NALF1: variants seen among roughly 807,000 people sequenced by gnomAD.
The protein encoded by NALF1 is family with sequence similarity 155 member A.
In NALF1, 3 loss-of-function variants were observed where a neutral mutation model predicts 48.4. That is an observed-to-expected ratio of 0.06 (90% confidence interval 0.03 to 0.16). NALF1 has a LOEUF of 0.16. NALF1 is among the 10% of genes least tolerant of loss of function. NALF1 has a pLI of 1.00. For synonymous variants in NALF1, 262 were observed against 245.7 expected (o/e 1.07, Z -0.62); for missense variants, 526 against 571.5 (o/e 0.92, Z 0.81).
chr13:107,458,525 T>C (rs939279420), intron 1 of NALF1, among the ~76,000 whole-genome samples: 5 of 152,162 alleles, frequency 3.3e-5, no homozygotes, highest in Non-Finnish European at 7.4e-5. Flanking sequence ...AGTGCACGCC[T>C]GGGCAAAGCC....
rs528906652 is a variant in NALF1 at position 107,758,981 on chromosome 13, C to T, written c.915+106701G>A. Among the ~76,000 whole-genome samples, 9 of 152,120 alleles carry T rather than the reference C, an allele frequency of 5.9e-5. No individual in the cohort carries two copies. The South Asian group carries it at 1.9e-3, about 32-fold the overall frequency. ...CTAAGCTGAAAGAGTGTGAGGATAA[C>T]TCTACAACCAATTCCAGTTGCCTGG... On this transcript the variant is annotated intron_variant, in intron 1 of 2. Coordinates refer to ENST00000375915, the MANE Select transcript of NALF1 (RefSeq NM_001080396.3).
At chr13:107,312,782 G>C (rs1010571316) in intron 1 of NALF1, among the ~76,000 whole-genome samples, 3 of 152,278 alleles carry the variant, frequency 2.0e-5, no homozygotes, top group Admixed American at 6.5e-5. Context: ...CTTAACTCAA[G>C]TTAATGGCCA....
intron 1 of NALF1, among the ~76,000 whole-genome samples, chr13:107,652,673 A>G (rs938631912): frequency 6.6e-6 from 1 of 152,160 alleles, no homozygotes; most frequent in Non-Finnish European, 1.5e-5. Context: ...TCGTCAGCTC[A>G]GAACTCCCAA....
At chr13:107,836,236 C>T (rs562987170) in intron 1 of NALF1, among the ~76,000 whole-genome samples, 3 of 152,220 alleles carry the variant, frequency 2.0e-5, no homozygotes, top group East Asian at 1.9e-4. Flanking sequence ...AGCAATCTGC[C>T]CCCCTTGGCA....
intron 1 of NALF1, among the ~76,000 whole-genome samples, chr13:107,714,786 A>C (rs1004668231): frequency 1.3e-5 from 2 of 152,096 alleles, no homozygotes; most frequent in African/African-American, 4.8e-5. Context: ...AATTCTAAAA[A>C]ATTAGGTGCC....
intron 1 of NALF1, among the ~76,000 whole-genome samples, chr13:107,623,166 CA>C (rs760568307): frequency 3.5e-4 from 54 of 152,230 alleles, no homozygotes; most frequent in Non-Finnish European, 7.4e-4. Context: ...GACACATACA[CA>C]TAGTCAACTC....
rs1878744236 is a variant in NALF1 at position 107,169,451 on chromosome 13, A to C, written c.*1046T>G. ...TGTTCCCTGTAATTACAATGGCCAA[A>C]ATGTGCTCCTATATTACTGCAACAG... On this transcript the variant is annotated 3_prime_UTR_variant, in exon 3 of 3. Transcript: ENST00000375915. 2 of 152,026 alleles carry C rather than the reference A, an allele frequency of 1.3e-5. No homozygotes were observed. The highest frequency in any genetic ancestry group is 2.9e-5 in the Non-Finnish European group (2 of 68,030). 9.4% of individuals were successfully genotyped at this position (152,026 alleles called of 1,614,324 possible).
chr13:107,405,200 C>T (rs898957723), intron 1 of NALF1, among the ~76,000 whole-genome samples: 2 of 152,022 alleles, frequency 1.3e-5, no homozygotes, highest in African/African-American at 2.4e-5. Context: ...TGAGCTCTCA[C>T]AGCATCTTAT....
intron 1 of NALF1, among the ~76,000 whole-genome samples, chr13:107,240,350 C>T (rs1566461191): frequency 6.6e-6 from 1 of 152,112 alleles, no homozygotes; most frequent in Non-Finnish European, 1.5e-5. Context: ...TATAAGCAAC[C>T]CAGTTTCTGG....
At chr13:107,375,131 T>G (rs1883315203) in intron 1 of NALF1, among the ~76,000 whole-genome samples, 1 of 152,174 alleles carries the variant, frequency 6.6e-6, no homozygotes, top group Non-Finnish European at 1.5e-5. Context: ...TATAACACAT[T>G]TAAAATTTTA....
At chr13:107,770,942 A>G (rs1877559780) in intron 1 of NALF1, among the ~76,000 whole-genome samples, 1 of 152,058 alleles carries the variant, frequency 6.6e-6, no homozygotes, top group Non-Finnish European at 1.5e-5. Flanking sequence ...CCTTTAGCAG[A>G]CCTTGTGAGT....
At chr13:107,630,868 GCTA>G (rs1172349027) in intron 1 of NALF1, among the ~76,000 whole-genome samples, 31 of 152,150 alleles carry the variant, frequency 2.0e-4, no homozygotes, top group African/African-American at 6.3e-4. Context: ...GCTGCGGACA[GCTA>G]CCTAGGTAAC....
At chr13:107,472,320 C>T (rs1885114087) in intron 1 of NALF1, among the ~76,000 whole-genome samples, 1 of 152,214 alleles carries the variant, frequency 6.6e-6, no homozygotes, top group African/African-American at 2.4e-5. Context: ...CAGAGCGAGA[C>T]TCCCTCTCAA....
chr13:107,470,328 A>G (rs776785551), intron 1 of NALF1, among the ~76,000 whole-genome samples: 4 of 152,226 alleles, frequency 2.6e-5, no homozygotes, highest in African/African-American at 4.8e-5. Context: ...TCAAAAGTTC[A>G]TGGTTGAACA....
At chr13:107,407,416 C>T (rs911981025) in intron 1 of NALF1, among the ~76,000 whole-genome samples, 3 of 151,900 alleles carry the variant, frequency 2.0e-5, no homozygotes, top group South Asian at 4.1e-4. Flanking sequence ...TAGGGAAAAA[C>T]ATGTAATAAT....
chr13:107,328,436 T>G (rs1334909898), intron 1 of NALF1, among the ~76,000 whole-genome samples: 1 of 152,178 alleles, frequency 6.6e-6, no homozygotes, highest in Non-Finnish European at 1.5e-5. Context: ...TTCAAATTAT[T>G]TTTTAAAACA....
chr13:107,551,114 C>CT (rs1305744719), intron 1 of NALF1, among the ~76,000 whole-genome samples: 1 of 152,082 alleles, frequency 6.6e-6, no homozygotes, highest in Non-Finnish European at 1.5e-5. Flanking sequence ...TCTTCTCTCT[C>CT]TCTGGTCGTA....
intron 1 of NALF1, among the ~76,000 whole-genome samples, chr13:107,747,071 C>A (rs567140323): frequency 1.3e-5 from 2 of 152,250 alleles, no homozygotes; most frequent in African/African-American, 4.8e-5. Flanking sequence ...CAATGAGATA[C>A]TGGAATGGAA....
intron 1 of NALF1, among the ~76,000 whole-genome samples, chr13:107,415,424 A>G (rs900553416): frequency 3.3e-5 from 5 of 151,830 alleles, no homozygotes; most frequent in African/African-American, 1.2e-4. Context: ...TTTCTGCTTG[A>G]AAGCAACAGT....
Sources: gnomAD v4.1 joint callset for allele counts (sites outside exome capture counted in the v4.1 genomes callset) on GRCh38, gnomAD v4.1.1 for gene constraint, MANE v1.5 for transcripts, NCBI Gene and HGNC (gene_info 2026-07-23, HGNC 2026-07-21) for gene names.